Variants in ITGA9 observed in about 807,000 individuals in gnomAD.
ITGA9 encodes integrin alpha-9.
In ITGA9, 56 loss-of-function variants were observed where a neutral mutation model predicts 127.8. That is an observed-to-expected ratio of 0.44 (90% confidence interval 0.35 to 0.55). ITGA9 has a LOEUF of 0.55. ITGA9 is among the 20% of genes least tolerant of loss of function. The pLI is 0.00. For missense variants in ITGA9, 1,196 were observed against 1,347.1 expected, an observed-to-expected ratio of 0.89 and a Z score of 1.76; for synonymous variants, 508 against 514.5, an observed-to-expected ratio of 0.99 and a Z score of 0.17.
intron 17 of ITGA9, among the ~76,000 whole-genome samples, chr3:37,656,979 G>A (rs918165569): frequency 6.6e-6 from 1 of 151,902 alleles, no homozygotes; most frequent in African/African-American, 2.4e-5. Context: ...TTCTGTTTAT[G>A]TGATGGATTA....
intron 16 of ITGA9, among the ~76,000 whole-genome samples, chr3:37,634,264 T>C (rs1212897791): frequency 6.6e-6 from 1 of 151,410 alleles, no homozygotes; most frequent in Non-Finnish European, 1.5e-5. Context: ...ATCTTAAATG[T>C]AAATGGATTA....
In ITGA9 at chr3:37,687,715, C is replaced by T. The variant is rs550893332; in HGVS notation, c.2067+3700C>T. ...CATTGTGAATTTTAAATTCAACACA[C>T]AGCCAACTTGCCCTCCATTGTGACG... On this transcript the variant is annotated intron_variant, in intron 18 of 27. Coordinates refer to ENST00000264741, the MANE Select transcript of ITGA9 (RefSeq NM_002207.3). 1.5e-4 allele frequency among the ~76,000 whole-genome samples: 23 copies of T among 152,322 alleles called. No homozygotes were observed. The South Asian group carries it at 4.8e-3, about 32-fold the overall frequency.
intron 8 of ITGA9, among the ~76,000 whole-genome samples, chr3:37,511,287 G>C (rs1356425275): frequency 6.6e-6 from 1 of 152,198 alleles, no homozygotes; most frequent in Non-Finnish European, 1.5e-5. Context: ...GTGCAGTTCA[G>C]ATGTTAATAC....
rs766926217 is a variant in ITGA9, at chr3:37,803,952, G to A, written c.3009+10G>A. 4 of 1,614,026 alleles carry A rather than the reference G, an allele frequency of 2.5e-6. No homozygotes were observed. The Admixed American group carries it at 6.7e-5, about 27-fold the overall frequency. ...CGTGCTGCTCTGGAAGGTGAGTCTG[G>A]TGATTGCAGGTCCCCCTGGGGTCCC... is the stretch of plus-strand genomic sequence containing the variant. On this transcript the variant is annotated intron_variant, in intron 27 of 27. Transcript: ENST00000264741.
intron 23 of ITGA9, among the ~76,000 whole-genome samples, chr3:37,758,061 C>T (rs1179244967): frequency 6.6e-6 from 1 of 151,536 alleles, no homozygotes; most frequent in Non-Finnish European, 1.5e-5. Context: ...CGGTGGCTCA[C>T]GCCTGTAATC....
chr3:37,584,957 G>T (rs1699743757), intron 15 of ITGA9, among the ~76,000 whole-genome samples: 1 of 151,964 alleles, frequency 6.6e-6, no homozygotes, highest in Non-Finnish European at 1.5e-5. Context: ...CTTCCCCTCT[G>T]CCTTTTAGTT....
At chr3:37,738,509 C>A (rs1696393379) in intron 20 of ITGA9, among the ~76,000 whole-genome samples, 1 of 152,200 alleles carries the variant, frequency 6.6e-6, no homozygotes, top group African/African-American at 2.4e-5. Context: ...CCTAGAAAAT[C>A]TGAACTATAT....
chr3:37,504,484 T>C (rs1241441386), intron 6 of ITGA9, among the ~76,000 whole-genome samples: 4 of 152,208 alleles, frequency 2.6e-5, no homozygotes, highest in African/African-American at 7.2e-5. Context: ...TCACTGGTAC[T>C]GTACTTCTCA....
Position 37,761,055 on chromosome 3 carries a change from A to C in ITGA9, c.2541+10486A>C, listed in dbSNP as rs185558246. Among the ~76,000 whole-genome samples the C allele has an allele frequency of 2.0e-5, 3 of 152,338 alleles. No individual in the cohort carries two copies. In the East Asian group the frequency reaches 5.8e-4, roughly 29 times the overall value. On this transcript the variant is annotated intron_variant, in intron 23 of 27. Coordinates refer to ENST00000264741, the MANE Select transcript of ITGA9 (RefSeq NM_002207.3). ...ATGCCTGTCATCCCAGCACTTTGGG[A>C]GGCTGAAGCAGGAGGATCACTTGAG...
chr3:37,808,928 C>A (rs1697332521), intron 27 of ITGA9: 1 of 152,114 alleles, frequency 6.6e-6, no homozygotes, highest in Admixed American at 6.5e-5. Context: ...CCACAGCTGG[C>A]ATAGCATCAT....
intron 15 of ITGA9, among the ~76,000 whole-genome samples, chr3:37,601,594 G>T (rs1006061515): frequency 2.6e-5 from 4 of 152,180 alleles, no homozygotes; most frequent in Non-Finnish European, 4.4e-5. Flanking sequence ...ATTTTTCTGA[G>T]AATTCCAGAA....
At chr3:37,554,042 G>T (rs1575147693) in intron 15 of ITGA9, among the ~76,000 whole-genome samples, 1 of 152,256 alleles carries the variant, frequency 6.6e-6, no homozygotes, top group Middle Eastern at 3.4e-3. Context: ...AGGCTGGGGG[G>T]CCCTCAGCTC....
chr3:37,792,187 C>T (rs555530599), intron 26 of ITGA9, among the ~76,000 whole-genome samples: 2 of 152,236 alleles, frequency 1.3e-5, no homozygotes, highest in South Asian at 2.1e-4. Context: ...TCCAAACACA[C>T]GAGTCATATT....
chr3:37,667,754 G>A (rs1212782071), intron 17 of ITGA9, among the ~76,000 whole-genome samples: 1 of 152,186 alleles, frequency 6.6e-6, no homozygotes. Flanking sequence ...GTGCAGAATA[G>A]GAAGCTGACA....
intron 16 of ITGA9, among the ~76,000 whole-genome samples, chr3:37,631,875 G>A (rs1032049008): frequency 1.3e-5 from 2 of 152,214 alleles, no homozygotes; most frequent in African/African-American, 4.8e-5. Flanking sequence ...AAGCAGCCAG[G>A]CATCGCCTTC....
chr3:37,615,789 A>G (rs1700068392), intron 15 of ITGA9, among the ~76,000 whole-genome samples: 1 of 152,096 alleles, frequency 6.6e-6, no homozygotes, highest in Non-Finnish European at 1.5e-5. Flanking sequence ...GGTAGTTTGT[A>G]TTTCTGTGGG....
At chr3:37,796,453 C>T (rs1263969953) in intron 26 of ITGA9, among the ~76,000 whole-genome samples, 2 of 151,532 alleles carry the variant, frequency 1.3e-5, no homozygotes, top group African/African-American at 4.9e-5. Flanking sequence ...ACTGCAGACA[C>T]ATTTGTTGGT....
At chr3:37,562,275 G>A (rs192146802) in intron 15 of ITGA9, among the ~76,000 whole-genome samples, 10 of 152,170 alleles carry the variant, frequency 6.6e-5, no homozygotes, top group East Asian at 1.9e-4. Flanking sequence ...TTTCTGCCCC[G>A]GAGCACCTAC....
intron 16 of ITGA9, among the ~76,000 whole-genome samples, chr3:37,653,170 C>T (rs1700445117): frequency 6.6e-6 from 1 of 152,248 alleles, no homozygotes; most frequent in African/African-American, 2.4e-5. Context: ...GAATCTCCCC[C>T]AGTCTGTTGT....
Sources: allele counts gnomAD v4.1 joint callset (sites outside exome capture counted in the v4.1 genomes callset), GRCh38; gene constraint gnomAD v4.1.1; transcripts MANE v1.5; gene names NCBI Gene and HGNC (gene_info 2026-07-23, HGNC 2026-07-21).